FUT9: variants seen among roughly 807,000 people sequenced by gnomAD.
The protein encoded by FUT9 is fucosyltransferase 9, also known as 4-galactosyl-N-acetylglucosaminide 3-alpha-L-fucosyltransferase 9.
Under a neutral mutation model 29.7 loss-of-function variants are expected in FUT9, and 15 were observed. The observed-to-expected ratio is 0.51, with a 90% CI of 0.34 to 0.78. FUT9 has a LOEUF of 0.78. Among genes scored for constraint, FUT9 ranks in the 30% least tolerant of loss-of-function variants. The pLI, the probability that FUT9 is intolerant of heterozygous loss-of-function variation, is 0.01. For missense variants in FUT9, 319 were observed against 425.4 expected, an observed-to-expected ratio of 0.75 and a Z score of 2.20; for synonymous variants, 169 against 153.7, an observed-to-expected ratio of 1.10 and a Z score of -0.74.
intron 2 of FUT9, among the ~76,000 whole-genome samples, chr6:96,157,789 C>A (rs944376218): frequency 1.3e-5 from 2 of 152,008 alleles, no homozygotes; most frequent in African/African-American, 4.8e-5. Flanking sequence ...TAATATAGAG[C>A]AACACTGCCT....
chr6:96,137,718 AAG>A (rs1466196772), intron 2 of FUT9, among the ~76,000 whole-genome samples: 8 of 152,090 alleles, frequency 5.3e-5, no homozygotes, highest in Non-Finnish European at 1.0e-4. Context: ...ATAAGTAAAA[AAG>A]AAAATATGAA....
At chr6:96,150,245 T>C (rs1368368201) in intron 2 of FUT9, among the ~76,000 whole-genome samples, 1 of 152,172 alleles carries the variant, frequency 6.6e-6, no homozygotes, top group East Asian at 1.9e-4. Flanking sequence ...GAAGGAGTGA[T>C]TCCAGCTGGA....
Position 96,058,468 on chromosome 6 carries a change from C to CAAAAAAAAAAAAAA in FUT9, c.-98+42261_-98+42274dup, listed in dbSNP as rs3079049. ...AAAGACTGGGAACCTGGCTTTATTCCAAAAAAAAAAAAAAAAAAGCCAGAA... is the reference window on the plus strand; with the variant it reads ...AAAGACTGGGAACCTGGCTTTATTCCAAAAAAAAAAAAAAAAAAAAAAAAAAAAAAAAGCCAGAA... On this transcript the variant is annotated intron_variant, in intron 1 of 2. Transcript: ENST00000302103. Among the ~76,000 whole-genome samples the CAAAAAAAAAAAAAA allele has an allele frequency of 2.2e-4, 17 of 77,164 alleles. 1 individual carries two copies. Among genetic ancestry groups the CAAAAAAAAAAAAAA allele is most frequent in the African/African-American group, 9.9e-4 (17 of 17,134 alleles). 50.6% of individuals were successfully genotyped at this position (77,164 alleles called of 152,430 possible). A position where few individuals can be genotyped will look rare whatever the true frequency, so the allele number is the denominator to read the frequency against.
intron 2 of FUT9, among the ~76,000 whole-genome samples, chr6:96,133,904 C>T (rs1473451945): frequency 1.3e-5 from 2 of 151,636 alleles, no homozygotes; most frequent in African/African-American, 2.4e-5. Flanking sequence ...AGGATAGTTT[C>T]ACTTTGTTTA....
At chr6:96,069,994 G>T (rs906817531) in intron 1 of FUT9, among the ~76,000 whole-genome samples, 3 of 151,492 alleles carry the variant, frequency 2.0e-5, no homozygotes, top group African/African-American at 7.3e-5. Flanking sequence ...AGAGATCAAA[G>T]AAAAAAATAT....
At chr6:96,181,643 A>G (rs1192359030) in intron 2 of FUT9, among the ~76,000 whole-genome samples, 1 of 151,618 alleles carries the variant, frequency 6.6e-6, no homozygotes, top group Non-Finnish European at 1.5e-5. Context: ...GCATCCTCAT[A>G]TTTTAGCTCC....
chr6:96,029,786 A>C (rs1770229853), intron 1 of FUT9, among the ~76,000 whole-genome samples: 1 of 151,656 alleles, frequency 6.6e-6, no homozygotes. Context: ...TAATGTATTA[A>C]AGAACCTAAT....
intron 2 of FUT9, among the ~76,000 whole-genome samples, chr6:96,119,113 C>T (rs780876560): frequency 5.9e-5 from 9 of 152,068 alleles, no homozygotes; most frequent in Non-Finnish European, 1.5e-5. Context: ...AGCATTTGTA[C>T]AGTGTTTATA....
chr6:96,071,302 G>A (rs1362197780), intron 1 of FUT9, among the ~76,000 whole-genome samples: 1 of 152,110 alleles, frequency 6.6e-6, no homozygotes, highest in African/African-American at 2.4e-5. Context: ...GCTATCTCTG[G>A]GAGCAATTTA....
chr6:96,058,757 A>T (rs1404828590), intron 1 of FUT9, among the ~76,000 whole-genome samples: 1 of 152,118 alleles, frequency 6.6e-6, no homozygotes, highest in East Asian at 1.9e-4. Context: ...ATCTTACCTC[A>T]TGTTGTTTTG....
chr6:96,099,700 C>A (rs1187146777), intron 1 of FUT9, among the ~76,000 whole-genome samples: 1 of 152,010 alleles, frequency 6.6e-6, no homozygotes, highest in Admixed American at 6.6e-5. Flanking sequence ...AAAATGTCAT[C>A]ATTTTATGCC....
intron 1 of FUT9, among the ~76,000 whole-genome samples, chr6:96,044,465 A>G (rs1770523380): frequency 6.6e-6 from 1 of 152,266 alleles, no homozygotes; most frequent in South Asian, 2.1e-4. Flanking sequence ...AGTAAACACA[A>G]AACATACAAA....
rs1013976937 is a variant in FUT9, at chr6:96,174,624, G to A, written c.-8-28524G>A. 1.4e-4 allele frequency among the ~76,000 whole-genome samples: 22 copies of A among 152,086 alleles called. 1 individual carries two copies. Among genetic ancestry groups the A allele is most frequent in the Admixed American group, 6.5e-4 (10 of 15,270 alleles). On this transcript the variant is annotated intron_variant, in intron 2 of 2. Transcript: ENST00000302103. ...TAAATAAGAGGCTCACTATTACCAC[G>A]ATAACAAAATACACACATTATGGTC...
intron 1 of FUT9, among the ~76,000 whole-genome samples, chr6:96,048,785 G>A (rs938654589): frequency 1.3e-5 from 2 of 152,090 alleles, no homozygotes; most frequent in Non-Finnish European, 2.9e-5. Flanking sequence ...TGAGAGGGGG[G>A]GAACTGACCA....
At chr6:96,116,985 T>C (rs1366085613) in intron 2 of FUT9, among the ~76,000 whole-genome samples, 1 of 152,126 alleles carries the variant, frequency 6.6e-6, no homozygotes, top group Non-Finnish European at 1.5e-5. Flanking sequence ...GGATGTATTA[T>C]CCCAAAATGG....
intron 2 of FUT9, among the ~76,000 whole-genome samples, chr6:96,117,818 A>C (rs1398077462): frequency 3.9e-5 from 6 of 152,208 alleles, no homozygotes; most frequent in Non-Finnish European, 8.8e-5. Flanking sequence ...AATTTAAATA[A>C]AATTCTGGCA....
intron 1 of FUT9, among the ~76,000 whole-genome samples, chr6:96,079,260 A>G (rs1056572870): frequency 1.3e-5 from 2 of 152,086 alleles, no homozygotes; most frequent in African/African-American, 4.8e-5. Context: ...TTTCCACAAC[A>G]CTCAGTGCCT....
At chr6:96,055,614 G>A (rs9386302) in intron 1 of FUT9, among the ~76,000 whole-genome samples, 50,532 of 151,028 alleles carry the variant, frequency 0.33, 8,841 homozygotes, top group East Asian at 0.51. Flanking sequence ...TTGTTGTACC[G>A]GTTGTTTCTT....
intron 2 of FUT9, among the ~76,000 whole-genome samples, chr6:96,158,397 T>A (rs1382300746): frequency 1.3e-5 from 2 of 152,142 alleles, no homozygotes; most frequent in African/African-American, 4.8e-5. Context: ...TGTATGTGTG[T>A]GTATTTCCTG....
Sources: gnomAD v4.1 joint callset for allele counts (sites outside exome capture counted in the v4.1 genomes callset) on GRCh38, gnomAD v4.1.1 for gene constraint, MANE v1.5 for transcripts, NCBI Gene and HGNC (gene_info 2026-07-23, HGNC 2026-07-21) for gene names.